The following PARD3B variants were observed in gnomAD, a reference collection of about 807,000 sequenced individuals.
PARD3B encodes the protein par-3 family cell polarity regulator beta.
PARD3B carries 103 observed loss-of-function variants against 130.2 expected under a neutral mutation model. The ratio of observed to expected loss-of-function variants is 0.79; its 90% CI spans 0.67 to 0.93. PARD3B has a LOEUF of 0.93. Among genes scored for constraint, PARD3B ranks in the 40% least tolerant of loss-of-function variants. The probability of loss-of-function intolerance (pLI) is 0.00; values close to 1 mark genes in which losing one functional copy is unlikely to be tolerated. For synonymous variants in PARD3B, 583 were observed against 553.2 expected (o/e 1.05, Z -0.76); for missense variants, 1,609 against 1,499.2 (o/e 1.07, Z -1.21).
At chr2:204,584,196 C>A (rs1574499266) in intron 1 of PARD3B, among the ~76,000 whole-genome samples, 1 of 152,178 alleles carries the variant, frequency 6.6e-6, no homozygotes, top group East Asian at 1.9e-4. Flanking sequence ...CAGGAGACTC[C>A]AATGTGATGG....
At chr2:205,233,578 G>C (rs1193645609) in intron 15 of PARD3B, among the ~76,000 whole-genome samples, 3 of 152,092 alleles carry the variant, frequency 2.0e-5, no homozygotes, top group Non-Finnish European at 4.4e-5. Context: ...TAACAGCACA[G>C]AGGCTGTGAG....
At chr2:205,166,249 G>T (rs913449410) in intron 11 of PARD3B, among the ~76,000 whole-genome samples, 1 of 152,166 alleles carries the variant, frequency 6.6e-6, no homozygotes, top group East Asian at 1.9e-4. Context: ...GAGAAGTATC[G>T]TGGGTGTTGA....
intron 2 of PARD3B, among the ~76,000 whole-genome samples, chr2:204,830,666 A>G (rs1393970651): frequency 1.3e-5 from 2 of 152,226 alleles, no homozygotes; most frequent in Non-Finnish European, 2.9e-5. Flanking sequence ...TCAAAGGGAA[A>G]GAAGATTAGG....
rs1553550423 is a variant in PARD3B, at chr2:205,575,113, A to ATG, written c.3260+21710_3260+21711insTG. On this transcript the variant is annotated intron_variant, in intron 22 of 22. Coordinates refer to ENST00000406610, the MANE Select transcript of PARD3B (RefSeq NM_001302769.2). The surrounding 1 kb of genome is among the most constrained non-coding windows in gnomAD (Gnocchi z 4.6). ...CACACACACACACACACACACACAC[A>ATG]CGCGTACACTATATATAAAAATATA... Among the ~76,000 whole-genome samples, 2 of 126,286 alleles carry ATG rather than the reference A, an allele frequency of 1.6e-5. No individual in the cohort carries two copies. Among genetic ancestry groups the ATG allele is most frequent in the Non-Finnish European group, 3.5e-5 (2 of 56,388 alleles). The allele number at this position is 126,286 out of a possible 152,430, so 82.8% of individuals were successfully genotyped here. A position where few individuals can be genotyped will look rare whatever the true frequency, so the allele number is the denominator to read the frequency against.
At chr2:205,037,179 T>C (rs913764141) in intron 3 of PARD3B, among the ~76,000 whole-genome samples, 2 of 147,238 alleles carry the variant, frequency 1.4e-5, no homozygotes, top group African/African-American at 5.0e-5. Flanking sequence ...GCGGACTGTA[T>C]ATATAAAACA....
chr2:204,847,562 AGTGT>A (rs1042466267), intron 2 of PARD3B, among the ~76,000 whole-genome samples: 2 of 152,106 alleles, frequency 1.3e-5, no homozygotes, highest in African/African-American at 4.8e-5. Context: ...CATTCTGAGG[AGTGT>A]GGTAAAATCT....
At chr2:205,163,554 T>G (rs992394200) in intron 11 of PARD3B, among the ~76,000 whole-genome samples, 5 of 152,170 alleles carry the variant, frequency 3.3e-5, no homozygotes, top group Admixed American at 3.3e-4. Flanking sequence ...AAGAAAGAAT[T>G]TGGACCAATA....
chr2:205,600,821 A>C (rs1052082911), intron 22 of PARD3B, among the ~76,000 whole-genome samples: 7 of 152,218 alleles, frequency 4.6e-5, no homozygotes, highest in Non-Finnish European at 8.8e-5. Context: ...ACGTCCCTGC[A>C]AAGGACATGA....
At chr2:205,002,770 G>C (rs1169406208) in intron 3 of PARD3B, among the ~76,000 whole-genome samples, 1 of 152,124 alleles carries the variant, frequency 6.6e-6, no homozygotes, top group Non-Finnish European at 1.5e-5. Context: ...CTTTCATTCA[G>C]AGGAAAAGCC....
At chr2:205,220,343 A>T (rs1435401514) in intron 15 of PARD3B, among the ~76,000 whole-genome samples, 1 of 152,084 alleles carries the variant, frequency 6.6e-6, no homozygotes, top group Non-Finnish European at 1.5e-5. Flanking sequence ...AGCCAAATGG[A>T]AGATCTTAGG....
At chr2:205,540,116 T>G (rs576651403) in intron 21 of PARD3B, among the ~76,000 whole-genome samples, 1 of 152,174 alleles carries the variant, frequency 6.6e-6, no homozygotes, top group Non-Finnish European at 1.5e-5. Context: ...TACATCCATG[T>G]CTTGGCTCAT....
At chr2:205,411,690 G>GGT (rs2046604216) in intron 19 of PARD3B, among the ~76,000 whole-genome samples, 2 of 152,098 alleles carry the variant, frequency 1.3e-5, no homozygotes, top group African/African-American at 4.8e-5. Context: ...TATGATGAAG[G>GGT]AGGCCAAGTT....
At chr2:205,101,203 A>G (rs1411024768) in intron 4 of PARD3B, among the ~76,000 whole-genome samples, 3 of 152,218 alleles carry the variant, frequency 2.0e-5, no homozygotes, top group Non-Finnish European at 4.4e-5. Context: ...TCACAGGGAA[A>G]GAAGCTCAAC....
chr2:204,937,912 T>G (rs1688592996), intron 2 of PARD3B, among the ~76,000 whole-genome samples: 1 of 152,320 alleles, frequency 6.6e-6, no homozygotes, highest in East Asian at 1.9e-4. Context: ...GGGAAATCTG[T>G]CCTACTGAAA....
chr2:204,836,984 G>T (rs763388498), intron 2 of PARD3B, among the ~76,000 whole-genome samples: 10 of 152,092 alleles, frequency 6.6e-5, no homozygotes, highest in Non-Finnish European at 1.0e-4. Context: ...CTTTTGAAAT[G>T]CAAGGCCTCT....
At chr2:205,245,144 G>A (rs1031264558) in intron 15 of PARD3B, among the ~76,000 whole-genome samples, 1 of 152,152 alleles carries the variant, frequency 6.6e-6, no homozygotes, top group East Asian at 1.9e-4. Context: ...TTCTGCTTGG[G>A]TGTTGGCTTT....
intron 10 of PARD3B, among the ~76,000 whole-genome samples, chr2:205,127,032 G>T (rs2031507385): frequency 6.6e-6 from 1 of 151,576 alleles, no homozygotes; most frequent in Admixed American, 6.6e-5. Context: ...AGGTGCAGTG[G>T]CTCATGCCTG....
chr2:205,235,089 A>G (rs967364184), intron 15 of PARD3B, among the ~76,000 whole-genome samples: 2 of 152,176 alleles, frequency 1.3e-5, no homozygotes, highest in Non-Finnish European at 2.9e-5. Context: ...AAAAGGAAGA[A>G]AGATTTCAAA....
rs186208247 is a variant in PARD3B, at chr2:205,367,457, G to A, written c.2631-33556G>A. On this transcript the variant is annotated intron_variant, in intron 18 of 22. Coordinates refer to ENST00000406610, the MANE Select transcript of PARD3B (RefSeq NM_001302769.2). ...CCTGACAGTAAGATTCTTAAACTCC[G>A]GAATGGTTATCAAAAGAAGTTTTGG... Among the ~76,000 whole-genome samples, 527 of 152,190 alleles carry A rather than the reference G, an allele frequency of 3.5e-3. 2 individuals are homozygous for A. Among genetic ancestry groups the A allele is most frequent in the Admixed American group, 5.3e-3 (81 of 15,282 alleles).
Sources: allele counts gnomAD v4.1 joint callset (sites outside exome capture counted in the v4.1 genomes callset), GRCh38; gene constraint gnomAD v4.1.1; non-coding constraint Gnocchi (gnomAD v3.1); transcripts MANE v1.5; gene names NCBI Gene and HGNC (gene_info 2026-07-23, HGNC 2026-07-21).